The following TPST1 variants were observed in gnomAD, a reference collection of about 807,000 sequenced individuals.
TPST1 encodes tyrosylprotein sulfotransferase 1.
TPST1 carries 20 observed loss-of-function variants against 34.8 expected under a neutral mutation model. The ratio of observed to expected loss-of-function variants is 0.57; its 90% CI spans 0.40 to 0.84. TPST1 has a LOEUF of 0.84. Ranked by LOEUF, TPST1 falls within the 40% of genes least tolerant of loss-of-function variation. The pLI is 0.00. For missense variants in TPST1, 353 were observed against 455.5 expected, an observed-to-expected ratio of 0.78 and a Z score of 2.05; for synonymous variants, 152 against 159.4, an observed-to-expected ratio of 0.95 and a Z score of 0.35.
At chr7:66,234,752 CT>C (rs998027961) in intron 1 of TPST1, among the ~76,000 whole-genome samples, 7 of 152,320 alleles carry the variant, frequency 4.6e-5, no homozygotes, top group African/African-American at 9.6e-5. Flanking sequence ...TCTCAGCTCA[CT>C]GCAAGCTCCA....
intron 1 of TPST1, among the ~76,000 whole-genome samples, chr7:66,227,138 A>G (rs569047973): frequency 1.4e-5 from 2 of 138,648 alleles, no homozygotes; most frequent in African/African-American, 2.7e-5. Context: ...GGTTCAAGCA[A>G]TTTTCTGCCT....
intron 1 of TPST1, among the ~76,000 whole-genome samples, chr7:66,223,366 G>C (rs949452824): frequency 2.6e-5 from 4 of 151,332 alleles, no homozygotes; most frequent in African/African-American, 9.7e-5. Flanking sequence ...AGGAGGCTGA[G>C]GTGGGAGGAT....
At position 66,352,485 on chromosome 7, in the gene TPST1, C is replaced by A. The variant is rs766408125; in HGVS notation, c.1045-20C>A. The A allele has an allele frequency of 3.1e-6, 5 of 1,610,092 alleles. No homozygotes were observed. The highest frequency in any genetic ancestry group is 3.4e-6 in the Non-Finnish European group (4 of 1,179,274). The stretch of plus-strand genomic sequence containing the variant: ...GACTGGACCTGTTGCCTTAAACTCA[C>A]GCCTGCTTTGTTTTTCCAGGTCTAT... On this transcript the variant is annotated intron_variant, in intron 3 of 5. Coordinates refer to ENST00000304842, the MANE Select transcript of TPST1 (RefSeq NM_003596.4).
intron 2 of TPST1, among the ~76,000 whole-genome samples, chr7:66,272,999 G>A (rs6971752): frequency 0.65 from 98,186 of 151,974 alleles, 32,075 homozygotes; most frequent in African/African-American, 0.74. Context: ...AATTGTCTCT[G>A]TTTGCTGATG....
intron 2 of TPST1, among the ~76,000 whole-genome samples, chr7:66,272,303 A>G (rs1035856305): frequency 2.6e-5 from 4 of 152,196 alleles, no homozygotes; most frequent in Non-Finnish European, 5.9e-5. Flanking sequence ...TGGGATACAA[A>G]GGTGATTCAA....
chr7:66,245,168 G>GA (rs1340262985), intron 2 of TPST1, among the ~76,000 whole-genome samples: 1 of 152,118 alleles, frequency 6.6e-6, no homozygotes, highest in East Asian at 1.9e-4. Flanking sequence ...TTTTGTTAAA[G>GA]AAAAAATTAT....
intron 2 of TPST1, among the ~76,000 whole-genome samples, chr7:66,263,340 T>C (rs1282830118): frequency 6.6e-6 from 1 of 152,196 alleles, no homozygotes; most frequent in African/African-American, 2.4e-5. Flanking sequence ...TGGGCTCTCT[T>C]ATGCCCTCTT....
chr7:66,304,108 T>C (rs921758196), intron 3 of TPST1, among the ~76,000 whole-genome samples: 7 of 152,172 alleles, frequency 4.6e-5, no homozygotes, highest in African/African-American at 1.7e-4. Flanking sequence ...TGTGCAAATA[T>C]GGGAGGACTA....
intron 2 of TPST1, among the ~76,000 whole-genome samples, chr7:66,273,316 G>A (rs1017237055): frequency 7.2e-5 from 11 of 152,276 alleles, no homozygotes; most frequent in East Asian, 3.9e-4. Flanking sequence ...TCCTGTATTC[G>A]TGGATTGGAA....
At chr7:66,352,798 T>C in intron 4 of TPST1, 1 of 985,410 alleles carries the variant, frequency 1.0e-6, no homozygotes, top group African/African-American at 1.7e-5. Flanking sequence ...GGGAAATACT[T>C]TATTGATAAC....
At chr7:66,354,344 G>T (rs758281506) in intron 4 of TPST1, among the ~76,000 whole-genome samples, 3 of 151,976 alleles carry the variant, frequency 2.0e-5, no homozygotes, top group Non-Finnish European at 2.9e-5. Context: ...GGTGGTTCAC[G>T]CCTGTAATCC....
At chr7:66,234,039 G>T (rs2116362129) in intron 1 of TPST1, among the ~76,000 whole-genome samples, 1 of 152,218 alleles carries the variant, frequency 6.6e-6, no homozygotes, top group Middle Eastern at 3.4e-3. Context: ...TGTATTTTTA[G>T]TACAGACAGG....
chr7:66,266,034 T>C (rs1433702414), intron 2 of TPST1, among the ~76,000 whole-genome samples: 2 of 152,166 alleles, frequency 1.3e-5, no homozygotes, highest in Non-Finnish European at 2.9e-5. Flanking sequence ...AGATGGTAAC[T>C]CAAATCTGCA....
At chr7:66,334,315 C>T (rs935167595) in intron 3 of TPST1, among the ~76,000 whole-genome samples, 1 of 151,918 alleles carries the variant, frequency 6.6e-6, no homozygotes, top group African/African-American at 2.4e-5. Flanking sequence ...AGATACCTGG[C>T]ATCACTCTTC....
chr7:66,232,416 A>G (rs964820757), intron 1 of TPST1, among the ~76,000 whole-genome samples: 1 of 151,730 alleles, frequency 6.6e-6, no homozygotes, highest in Non-Finnish European at 1.5e-5. Flanking sequence ...TCTGTCTCCC[A>G]GGCTGGAGTG....
chr7:66,296,824 G>A (rs1328220912), intron 3 of TPST1, among the ~76,000 whole-genome samples: 1 of 151,808 alleles, frequency 6.6e-6, no homozygotes, highest in Non-Finnish European at 1.5e-5. Flanking sequence ...GTAATGAAAC[G>A]TTAACATATT....
chr7:66,266,584 A>G (rs1790596846), intron 2 of TPST1, among the ~76,000 whole-genome samples: 2 of 152,284 alleles, frequency 1.3e-5, no homozygotes, highest in Non-Finnish European at 2.9e-5. Context: ...AAGAATATTT[A>G]TAGCAGCACT....
intron 1 of TPST1, among the ~76,000 whole-genome samples, chr7:66,231,690 C>G (rs186262326): frequency 1.5e-3 from 232 of 152,370 alleles, no homozygotes; most frequent in African/African-American, 5.4e-3. Context: ...GCAAGCACCA[C>G]GGGCAGCACT....
At chr7:66,252,788 T>G (rs1255672886) in intron 2 of TPST1, among the ~76,000 whole-genome samples, 2 of 152,242 alleles carry the variant, frequency 1.3e-5, no homozygotes, top group Non-Finnish European at 2.9e-5. Flanking sequence ...AAAAAATTCT[T>G]CCATACTCTG....
Sources: gnomAD v4.1 joint callset for allele counts (sites outside exome capture counted in the v4.1 genomes callset) on GRCh38, gnomAD v4.1.1 for gene constraint, MANE v1.5 for transcripts, NCBI Gene and HGNC (gene_info 2026-07-23, HGNC 2026-07-21) for gene names.